The following LARGE1 variants were observed in gnomAD, a reference collection of about 807,000 sequenced individuals.
The protein encoded by LARGE1 is xylosyl- and glucuronyltransferase LARGE1.
In LARGE1, 43 loss-of-function variants were observed where a neutral mutation model predicts 87.6. That is an observed-to-expected ratio of 0.49 (90% CI 0.38 to 0.63). The LOEUF (loss-of-function observed/expected upper bound fraction) is 0.63, where lower values mean the gene tolerates loss of function less well. Among genes scored for constraint, LARGE1 ranks in the 30% least tolerant of loss-of-function variants. LARGE1 has a pLI of 0.00. For synonymous variants in LARGE1, 434 were observed against 394.6 expected (o/e 1.10, Z -1.18); for missense variants, 802 against 1,000.2 (o/e 0.80, Z 2.67).
Position 33,304,732 on chromosome 22 carries a change from G to GTGATATC in LARGE1, c.1452-226_1452-225insGATATCA, listed in dbSNP as rs1569034184. ...CTGCTTCCAACTGAACATGTGATAT[G>GTGATATC]AAGTTGTATCCCACTATAAGCCTTG... On this transcript the variant is annotated intron_variant, in intron 11 of 14. Transcript: ENST00000397394. Among the ~76,000 whole-genome samples the GTGATATC allele has an allele frequency of 8.6e-3, 1,312 of 152,266 alleles. 12 individuals are homozygous for GTGATATC. The highest frequency in any genetic ancestry group is 0.03 in the African/African-American group (1,239 of 41,534).
At chr22:33,511,630 G>C (rs2071059677) in intron 6 of LARGE1, among the ~76,000 whole-genome samples, 1 of 152,170 alleles carries the variant, frequency 6.6e-6, no homozygotes, top group South Asian at 2.1e-4. Context: ...CCCTGGAAAA[G>C]GACTTGGTAG....
chr22:33,362,101 G>A (rs1402444983), intron 9 of LARGE1, among the ~76,000 whole-genome samples: 1 of 149,278 alleles, frequency 6.7e-6, no homozygotes, highest in Non-Finnish European at 1.5e-5. Flanking sequence ...CTAAGAGTTT[G>A]TGCCACTGGT....
intron 1 of LARGE1, among the ~76,000 whole-genome samples, chr22:33,761,955 G>A (rs1400645671): frequency 2.0e-5 from 3 of 152,202 alleles, no homozygotes; most frequent in South Asian, 2.1e-4. Flanking sequence ...AGTGGCTCAC[G>A]CCTGTAATCT....
At chr22:33,423,856 T>G (rs898935437) in intron 7 of LARGE1, among the ~76,000 whole-genome samples, 1 of 151,964 alleles carries the variant, frequency 6.6e-6, no homozygotes, top group African/African-American at 2.4e-5. Context: ...TAATATGAAA[T>G]CTAATAAAAT....
At chr22:33,729,759 G>A (rs1352381730) in intron 2 of LARGE1, among the ~76,000 whole-genome samples, 1 of 152,222 alleles carries the variant, frequency 6.6e-6, no homozygotes, top group African/African-American at 2.4e-5. Flanking sequence ...CCTAAGCCTT[G>A]GTTCCTACAG....
intron 5 of LARGE1, among the ~76,000 whole-genome samples, chr22:33,573,656 T>C (rs762633734): frequency 6.6e-6 from 1 of 152,178 alleles, no homozygotes; most frequent in Non-Finnish European, 1.5e-5. Flanking sequence ...TCAGTATCCA[T>C]GACTGCACAA....
the LARGE1 span, among the ~76,000 whole-genome samples, chr22:33,143,121 A>C: frequency 6.6e-6 from 1 of 152,170 alleles, no homozygotes; most frequent in African/African-American, 2.4e-5. Context: ...ATAGTCAGAG[A>C]TGGGTTCACA....
chr22:33,226,211 C>T (rs1459259669), intron 11 of LARGE1, among the ~76,000 whole-genome samples: 2 of 152,216 alleles, frequency 1.3e-5, no homozygotes, highest in Non-Finnish European at 1.5e-5. Context: ...TCCTATTGGG[C>T]TGCTTCTCTG....
intron 1 of LARGE1, among the ~76,000 whole-genome samples, chr22:33,878,266 T>C (rs2064547059): frequency 7.3e-6 from 1 of 137,304 alleles, no homozygotes; most frequent in African/African-American, 2.7e-5. Flanking sequence ...TCCCAAGTAG[T>C]AGCTGGGACT....
intron 7 of LARGE1, among the ~76,000 whole-genome samples, chr22:33,400,604 G>A (rs1024041335): frequency 6.6e-6 from 1 of 152,216 alleles, no homozygotes; most frequent in Non-Finnish European, 1.5e-5. Context: ...TCCCCAGAAG[G>A]GAGAGATGGC....
chr22:33,708,713 G>C (rs2082636205), intron 2 of LARGE1, among the ~76,000 whole-genome samples: 1 of 152,184 alleles, frequency 6.6e-6, no homozygotes, highest in Non-Finnish European at 1.5e-5. Flanking sequence ...CGATTCTCCT[G>C]CCGCAGCCTC....
intron 2 of LARGE1, among the ~76,000 whole-genome samples, chr22:33,679,922 A>G (rs560522272): frequency 6.6e-6 from 1 of 152,338 alleles, no homozygotes; most frequent in African/African-American, 2.4e-5. Context: ...CATCTCCAGA[A>G]GGAGTATGGT....
chr22:33,672,081 T>C (rs1323085517), intron 2 of LARGE1, among the ~76,000 whole-genome samples: 1 of 152,172 alleles, frequency 6.6e-6, no homozygotes, highest in African/African-American at 2.4e-5. Context: ...AGGAAACAGC[T>C]ACATATTAGG....
chr22:33,470,623 C>T (rs978487247), intron 6 of LARGE1, among the ~76,000 whole-genome samples: 1 of 152,214 alleles, frequency 6.6e-6, no homozygotes, highest in African/African-American at 2.4e-5. Flanking sequence ...TCCCTCACCT[C>T]CCCGGAAGGG....
intron 1 of LARGE1, among the ~76,000 whole-genome samples, chr22:33,796,839 A>G: frequency 7.1e-6 from 1 of 140,164 alleles, no homozygotes; most frequent in South Asian, 2.2e-4. Context: ...ATCTCAGCTC[A>G]CTGCAGCCTC....
intron 1 of LARGE1, among the ~76,000 whole-genome samples, chr22:33,906,796 C>G (rs1418622914): frequency 6.6e-6 from 1 of 152,054 alleles, no homozygotes; most frequent in African/African-American, 2.4e-5. Flanking sequence ...GAAAGACTGG[C>G]CTCTTCTTCA....
chr22:33,191,809 TA>T (rs137416), intron 11 of LARGE1, among the ~76,000 whole-genome samples: 85,864 of 151,860 alleles, frequency 0.57, 24,606 homozygotes, highest in Middle Eastern at 0.62. Context: ...TTTAAAATCA[TA>T]AAAATTTAAA....
chr22:33,916,108 C>A (rs1259907118), intron 1 of LARGE1, among the ~76,000 whole-genome samples: 5 of 152,096 alleles, frequency 3.3e-5, no homozygotes, highest in African/African-American at 1.2e-4. Flanking sequence ...TGGTGAAACC[C>A]CGCCTCTACT....
chr22:33,496,548 T>C (rs533328135), intron 6 of LARGE1, among the ~76,000 whole-genome samples: 8 of 152,094 alleles, frequency 5.3e-5, no homozygotes, highest in Admixed American at 4.6e-4. Flanking sequence ...TGCCAGCAAC[T>C]TGAACTTCCC....
Sources: gnomAD v4.1 joint callset for allele counts (sites outside exome capture counted in the v4.1 genomes callset) on GRCh38, gnomAD v4.1.1 for gene constraint, MANE v1.5 for transcripts, NCBI Gene and HGNC (gene_info 2026-07-23, HGNC 2026-07-21) for gene names.